The following ZNF320 variants were observed in gnomAD, a reference collection of about 807,000 sequenced individuals.
The protein encoded by ZNF320 is zinc finger gene 320.
A neutral mutation model predicts 6.8 loss-of-function variants in ZNF320; 2 were observed. The ratio of observed to expected loss-of-function variants is 0.29; its 90% CI spans 0.12 to 0.93. The LOEUF (loss-of-function observed/expected upper bound fraction) is 0.93, where lower values mean the gene tolerates loss of function less well. Among genes scored for constraint, ZNF320 ranks in the 40% least tolerant of loss-of-function variants. The pLI is 0.55. For synonymous variants in ZNF320, 208 were observed against 203.2 expected, an observed-to-expected ratio of 1.02 and a Z score of -0.20; for missense variants, 472 against 611.0, an observed-to-expected ratio of 0.77 and a Z score of 2.40.
At chr19:52,885,021 C>A (rs1257899753) in intron 5 of ZNF320, among the ~76,000 whole-genome samples, 1 of 150,288 alleles carries the variant, frequency 6.7e-6, no homozygotes, top group Non-Finnish European at 1.5e-5. Context: ...CAAGGTAAAA[C>A]CCCATCTCTG....
At chr19:52,898,903 CG>C (rs1008350521), upstream of ZNF320, among the ~76,000 whole-genome samples, 3 of 152,334 alleles carry the variant, frequency 2.0e-5, no homozygotes, top group African/African-American at 4.8e-5. Context: ...GGCCTGGCCC[CG>C]GGGCTGCCTG....
At chr19:52,902,049 A>AT (rs1020545052), upstream of ZNF320, among the ~76,000 whole-genome samples, 16 of 151,534 alleles carry the variant, frequency 1.1e-4, no homozygotes, top group African/African-American at 3.9e-4. Context: ...GGACTAAACC[A>AT]TAAGTGCCAC....
Position 52,878,587 on chromosome 19 carries a change from A to G in ZNF320, c.*2009T>C, listed in dbSNP as rs752546658. 1 of 152,130 alleles carries G rather than the reference A, an allele frequency of 6.6e-6. No homozygotes were observed. The highest frequency in any genetic ancestry group is 1.5e-5 in the Non-Finnish European group (1 of 68,042). 9.4% of individuals were successfully genotyped at this position (152,130 alleles called of 1,614,324 possible). Reference sequence around the variant, plus strand: ...CAACATCATCTTGTCCCAACTTAAAATAAGTTTTCCATTTACAAACTGGTG... The same window carrying G: ...CAACATCATCTTGTCCCAACTTAAAGTAAGTTTTCCATTTACAAACTGGTG... On this transcript the variant is annotated 3_prime_UTR_variant, in exon 6 of 6. Coordinates refer to ENST00000682928, the MANE Select transcript of ZNF320 (RefSeq NM_001351774.2).
chr19:52,873,052 C>A (rs775353618), downstream of ZNF320, among the ~76,000 whole-genome samples: 2 of 152,186 alleles, frequency 1.3e-5, no homozygotes, highest in East Asian at 3.9e-4. Flanking sequence ...AGCCATAGGG[C>A]GGTTTTCTCC....
chr19:52,875,331 A>G (rs1014648771), downstream of ZNF320, among the ~76,000 whole-genome samples: 4 of 152,176 alleles, frequency 2.6e-5, no homozygotes, highest in African/African-American at 9.7e-5. Context: ...AACTGCACAC[A>G]GGATTGTAGA....
At chr19:52,888,077 C>G in intron 5 of ZNF320, 50 bp downstream of exon 5, 1 of 1,603,308 alleles carries the variant, frequency 6.2e-7, no homozygotes, top group Non-Finnish European at 8.5e-7. Context: ...AGAGAAAATA[C>G]AAAGATCCAC....
downstream of ZNF320, among the ~76,000 whole-genome samples, chr19:52,873,592 C>T (rs1035829710): frequency 2.6e-5 from 4 of 152,192 alleles, no homozygotes; most frequent in Admixed American, 1.3e-4. Flanking sequence ...GACACAGTAA[C>T]AATCTGATCT....
At chr19:52,861,157 A>G (rs1178199226) in exon 6 of ZNF320, among the ~76,000 whole-genome samples, 4 of 152,244 alleles carry the variant, frequency 2.6e-5, no homozygotes, top group African/African-American at 7.2e-5. Context: ...TAATAAACAC[A>G]TTCAGTGGAT....
intron 5 of ZNF320, among the ~76,000 whole-genome samples, chr19:52,868,889 T>G (rs944306218): frequency 6.6e-6 from 1 of 152,062 alleles, no homozygotes; most frequent in African/African-American, 2.4e-5. Context: ...TCCAATAATT[T>G]TGTCCAGTGG....
upstream of ZNF320, among the ~76,000 whole-genome samples, chr19:52,900,912 AT>A (rs896184684): frequency 0.011 from 1,231 of 109,644 alleles, 20 homozygotes; most frequent in African/African-American, 0.034. Flanking sequence ...AGATATACTT[AT>A]TTTTTTTTTT....
upstream of ZNF320, among the ~76,000 whole-genome samples, chr19:52,899,967 T>C (rs1004670394): frequency 2.6e-5 from 4 of 152,218 alleles, no homozygotes; most frequent in African/African-American, 9.6e-5. Context: ...ATTTATCATC[T>C]TTCTAATTAC....
chr19:52,900,879 C>T (rs189108909), upstream of ZNF320, among the ~76,000 whole-genome samples: 1 of 151,514 alleles, frequency 6.6e-6, no homozygotes, highest in Non-Finnish European at 1.5e-5. Flanking sequence ...ATTGACACAT[C>T]TCACATAAAT....
At chr19:52,870,849 T>C (rs182880553) in intron 5 of ZNF320, among the ~76,000 whole-genome samples, 58 of 152,216 alleles carry the variant, frequency 3.8e-4, no homozygotes, top group Middle Eastern at 3.4e-3. Flanking sequence ...TTCCAAGTCA[T>C]TAAAAATGCA....
At chr19:52,896,523 ACAAGGCAAAAGCCCGTCTCTAC>A (rs1486263780) in intron 1 of ZNF320, among the ~76,000 whole-genome samples, 2 of 152,080 alleles carry the variant, frequency 1.3e-5, no homozygotes, top group Non-Finnish European at 2.9e-5. Context: ...AGCCTGAGCA[ACAAGGCAAAAGCCCGTCTCTAC>A]CAAGTACACA....
intron 3 of ZNF320, among the ~76,000 whole-genome samples, chr19:52,891,004 T>C (rs1156807994): frequency 1.3e-5 from 2 of 151,898 alleles, no homozygotes; most frequent in Non-Finnish European, 2.9e-5. Flanking sequence ...ATACAAAAAG[T>C]AGCTGGGCTT....
intron 5 of ZNF320, among the ~76,000 whole-genome samples, chr19:52,865,822 C>T (rs1354554991): frequency 3.5e-5 from 4 of 113,120 alleles, no homozygotes; most frequent in African/African-American, 1.1e-4. Context: ...TGATTATACA[C>T]ATATATTTAT....
chr19:52,893,645 C>CA (rs960167501), intron 2 of ZNF320, 134 bp downstream of exon 2: 35 of 150,638 alleles, frequency 2.3e-4, no homozygotes, highest in Non-Finnish European at 3.7e-4. Flanking sequence ...GACTCTGTCT[C>CA]AAAAAAAAAT....
intron 2 of ZNF320, among the ~76,000 whole-genome samples, 188 bp from the exon 3 acceptor site, chr19:52,891,534 A>G (rs2147876713): frequency 6.6e-6 from 1 of 152,288 alleles, no homozygotes; most frequent in South Asian, 2.1e-4. Flanking sequence ...GACATAGGGT[A>G]AGAACGGGGA....
rs1484931719 is a variant in ZNF320 at position 52,877,992 on chromosome 19, A to G, written c.*2604T>C. The G allele has an allele frequency of 6.6e-6, 1 of 152,426 alleles. No homozygotes were observed. Among genetic ancestry groups the G allele is most frequent in the East Asian group, 1.9e-4 (1 of 5,200 alleles). 9.4% of individuals were successfully genotyped at this position (152,426 alleles called of 1,614,324 possible). On this transcript the variant is annotated 3_prime_UTR_variant, in exon 6 of 6. Transcript: ENST00000682928. ...ATATTTATTACTGAACCAAGCCAAC[A>G]AAGGTGTTCATAACAGATCCAGAGA...
Sources: gnomAD v4.1 joint callset for allele counts (sites outside exome capture counted in the v4.1 genomes callset) on GRCh38, gnomAD v4.1.1 for gene constraint, MANE v1.5 for transcripts, NCBI Gene and HGNC (gene_info 2026-07-23, HGNC 2026-07-21) for gene names.